The following PRKN variants were observed in gnomAD, a reference collection of about 807,000 sequenced individuals.
The protein encoded by PRKN is parkin RBR E3 ubiquitin protein ligase.
PRKN carries 56 observed loss-of-function variants against 59.5 expected under a neutral mutation model. The observed-to-expected ratio is 0.94, with a 90% CI of 0.76 to 1.18. The LOEUF is 1.18. Ranked by LOEUF, PRKN falls within the 50% of genes most tolerant of loss-of-function variation. PRKN has a pLI of 0.00. For synonymous variants in PRKN, 250 were observed against 222.1 expected (o/e 1.13, Z -1.12); for missense variants, 657 against 596.4 (o/e 1.10, Z -1.06).
intron 2 of PRKN, 143 bp downstream of exon 2, chr6:162,443,167 A>G: frequency 1.3e-6 from 1 of 773,112 alleles, no homozygotes; most frequent in Non-Finnish European, 2.1e-6. Context: ...AGAATTAATG[A>G]AGCAGTGTGG....
intron 1 of PRKN, among the ~76,000 whole-genome samples, chr6:162,537,075 G>C (rs1954798): frequency 0.34 from 52,239 of 152,006 alleles, 9,807 homozygotes; most frequent in African/African-American, 0.51. Flanking sequence ...AGAAGGCTTA[G>C]AAGGCTGGCT....
intron 5 of PRKN, among the ~76,000 whole-genome samples, chr6:162,010,325 T>A (rs1170647394): frequency 1.2e-4 from 15 of 120,762 alleles, no homozygotes; most frequent in Non-Finnish European, 3.2e-5. Context: ...TATATATTTA[T>A]AATATATAAT....
At chr6:162,585,956 C>T (rs749799728) in intron 1 of PRKN, among the ~76,000 whole-genome samples, 7 of 152,140 alleles carry the variant, frequency 4.6e-5, no homozygotes, top group South Asian at 2.1e-4. Context: ...CCACCCGCCT[C>T]GGCCTCCCAA....
At chr6:162,565,476 G>T (rs4709635) in intron 1 of PRKN, among the ~76,000 whole-genome samples, 46,638 of 151,958 alleles carry the variant, frequency 0.31, 7,614 homozygotes, top group East Asian at 0.49. Flanking sequence ...CTGCCTGGGA[G>T]GTCAGGAGTT....
chr6:162,246,407 A>T (rs960628857), intron 3 of PRKN, among the ~76,000 whole-genome samples: 4 of 152,292 alleles, frequency 2.6e-5, no homozygotes. Flanking sequence ...TGGCCTCCAG[A>T]ACCACAAAAA....
rs1583587879 is a variant in PRKN, at chr6:162,447,973, G to A, written c.8-4500C>T. ...CCAGAACTGTCAAAGGTTCGGTGAAGTCCTTTTAGATGGCAAATAACATCA... is the reference window on the plus strand; with the variant it reads ...CCAGAACTGTCAAAGGTTCGGTGAAATCCTTTTAGATGGCAAATAACATCA... On this transcript the variant is annotated intron_variant, in intron 1 of 11. Transcript: ENST00000366898. Among the ~76,000 whole-genome samples, 2 of 152,296 alleles carry A rather than the reference G, an allele frequency of 1.3e-5. 1 individual carries two copies. The highest frequency in any genetic ancestry group is 1.3e-4 in the Admixed American group (2 of 15,298).
At chr6:162,278,340 A>G (rs1310414508) in intron 2 of PRKN, among the ~76,000 whole-genome samples, 1 of 152,168 alleles carries the variant, frequency 6.6e-6, no homozygotes. Flanking sequence ...CAGTGAAAAT[A>G]CTCAGGGTGA....
chr6:162,454,971 G>A (rs1371948608), intron 1 of PRKN, among the ~76,000 whole-genome samples: 1 of 152,152 alleles, frequency 6.6e-6, no homozygotes, highest in Non-Finnish European at 1.5e-5. Flanking sequence ...AGCCATTTCG[G>A]ACTGTGTTTT....
chr6:162,070,986 T>A (rs1442064881), intron 4 of PRKN, among the ~76,000 whole-genome samples: 1 of 152,094 alleles, frequency 6.6e-6, no homozygotes, highest in East Asian at 2.0e-4. Context: ...TCTTAAGGCC[T>A]GAGCCTGGAA....
intron 1 of PRKN, among the ~76,000 whole-genome samples, chr6:162,600,615 A>G (rs1005247743): frequency 1.3e-5 from 2 of 152,090 alleles, no homozygotes; most frequent in African/African-American, 4.8e-5. Flanking sequence ...TGTAATCCCC[A>G]ATTTTGGAAG....
rs555379625 is a variant in PRKN, at chr6:161,721,293, TAG to T, written c.871+64477_871+64478del. Among the ~76,000 whole-genome samples the T allele has an allele frequency of 1.6e-3, 247 of 152,308 alleles. 1 individual carries two copies. Among genetic ancestry groups the T allele is most frequent in the Non-Finnish European group, 2.7e-3 (184 of 68,024 alleles). ...GTCAATTTCATTAGAATATGCAGAATAGAGAGAACATTTGAGCATTTTTATTT... is the reference window on the plus strand; with the variant it reads ...GTCAATTTCATTAGAATATGCAGAATAGAGAACATTTGAGCATTTTTATTT... On this transcript the variant is annotated intron_variant, in intron 7 of 11. Transcript: ENST00000366898.
chr6:161,623,557 C>G (rs1782983980), intron 7 of PRKN, among the ~76,000 whole-genome samples: 1 of 152,148 alleles, frequency 6.6e-6, no homozygotes. Context: ...AAAGCTTATC[C>G]AAATCAAGCA....
At chr6:162,517,460 G>A (rs1044931215) in intron 1 of PRKN, among the ~76,000 whole-genome samples, 2 of 151,434 alleles carry the variant, frequency 1.3e-5, no homozygotes, top group East Asian at 3.9e-4. Flanking sequence ...GTTTCACCAC[G>A]TTAGCCAGGA....
At position 161,842,763 on chromosome 6, in the gene PRKN, T is replaced by G. The variant is rs967390851; in HGVS notation, c.735-56855A>C. On this transcript the variant is annotated intron_variant, in intron 6 of 11. Coordinates refer to ENST00000366898, the MANE Select transcript of PRKN (RefSeq NM_004562.3). Reference sequence around the variant, plus strand: ...TGGGTTTTCACTATGTTGGCCAGACTGGTCTCAAACTCCTGACCTCGTGAT... The same window carrying G: ...TGGGTTTTCACTATGTTGGCCAGACGGGTCTCAAACTCCTGACCTCGTGAT... 5.9e-5 allele frequency among the ~76,000 whole-genome samples: 9 copies of G among 152,102 alleles called. No individual in the cohort carries two copies. The East Asian group carries it at 1.6e-3, about 26-fold the overall frequency.
At chr6:161,974,264 C>A (rs1780941215) in intron 5 of PRKN, among the ~76,000 whole-genome samples, 2 of 152,170 alleles carry the variant, frequency 1.3e-5, no homozygotes, top group Non-Finnish European at 2.9e-5. Flanking sequence ...GAGAGTTTAG[C>A]AGAGCATGGC....
chr6:162,111,358 G>A (rs570619055), intron 4 of PRKN, among the ~76,000 whole-genome samples: 3 of 152,128 alleles, frequency 2.0e-5, no homozygotes, highest in Admixed American at 1.3e-4. Flanking sequence ...CCAGCTACTC[G>A]GGAGGCTGAG....
intron 1 of PRKN, among the ~76,000 whole-genome samples, chr6:162,647,972 A>AAAAG (rs1778258951): frequency 7.0e-6 from 1 of 142,978 alleles, no homozygotes; most frequent in Non-Finnish European, 1.5e-5. Flanking sequence ...AAAAAAAAAA[A>AAAAG]AAAAAGTCTA....
At chr6:162,143,686 A>G (rs1268263833) in intron 4 of PRKN, among the ~76,000 whole-genome samples, 2 of 152,238 alleles carry the variant, frequency 1.3e-5, no homozygotes, top group Non-Finnish European at 1.5e-5. Flanking sequence ...AGCATTGCAC[A>G]TATTAGGTAA....
intron 7 of PRKN, among the ~76,000 whole-genome samples, chr6:161,608,970 T>C (rs1782387744): frequency 6.6e-6 from 1 of 152,188 alleles, no homozygotes; most frequent in African/African-American, 2.4e-5. Flanking sequence ...TGCCTGCACA[T>C]GCCCGTCAAA....
Sources: allele counts gnomAD v4.1 joint callset (sites outside exome capture counted in the v4.1 genomes callset), GRCh38; gene constraint gnomAD v4.1.1; transcripts MANE v1.5; gene names NCBI Gene and HGNC (gene_info 2026-07-23, HGNC 2026-07-21).